The following SLC10A7 variants were observed in gnomAD, a reference collection of about 807,000 sequenced individuals.
SLC10A7 encodes the protein sodium/bile acid cotransporter 7.
In SLC10A7, 29 loss-of-function variants were observed where a neutral mutation model predicts 43.2. That is an observed-to-expected ratio of 0.67 (90% CI 0.50 to 0.92). The LOEUF (loss-of-function observed/expected upper bound fraction) is 0.92, where lower values mean the gene tolerates loss of function less well. Among genes scored for constraint, SLC10A7 ranks in the 40% least tolerant of loss-of-function variants. The pLI is 0.00. For synonymous variants in SLC10A7, 152 were observed against 144.8 expected (o/e 1.05, Z -0.35); for missense variants, 295 against 403.2 (o/e 0.73, Z 2.30).
At chr4:146,286,701 T>C (rs75299446) in intron 9 of SLC10A7, among the ~76,000 whole-genome samples, 1 of 85,124 alleles carries the variant, frequency 1.2e-5, no homozygotes, top group East Asian at 4.4e-4. Context: ...AGGAGGACTG[T>C]GTCTGGAGTG....
chr4:146,323,115 T>C (rs1732850036), intron 6 of SLC10A7, among the ~76,000 whole-genome samples: 1 of 152,162 alleles, frequency 6.6e-6, no homozygotes, highest in Non-Finnish European at 1.5e-5. Context: ...TTCTGGATAT[T>C]GCCCCTTGTC....
At chr4:146,356,574 GACACAC>G (rs34496192) in intron 5 of SLC10A7, among the ~76,000 whole-genome samples, 1 of 150,260 alleles carries the variant, frequency 6.7e-6, no homozygotes, top group Non-Finnish European at 1.5e-5. Flanking sequence ...ACAACAGACA[GACACAC>G]ACACACACAC....
At chr4:146,463,841 T>G (rs76658285) in intron 4 of SLC10A7, among the ~76,000 whole-genome samples, 4 of 150,598 alleles carry the variant, frequency 2.7e-5, no homozygotes, top group African/African-American at 9.8e-5. Context: ...TTTTTTTTTT[T>G]GAGACAAAGT....
intron 5 of SLC10A7, among the ~76,000 whole-genome samples, chr4:146,355,858 GA>G (rs1198879915): frequency 8.2e-6 from 1 of 122,196 alleles, no homozygotes; most frequent in Non-Finnish European, 1.6e-5. Flanking sequence ...ATGGACACAG[GA>G]AGGGGAATAT....
intron 5 of SLC10A7, among the ~76,000 whole-genome samples, chr4:146,328,327 C>A (rs1733300852): frequency 6.6e-6 from 1 of 152,206 alleles, no homozygotes; most frequent in South Asian, 2.1e-4. Flanking sequence ...TTCCTTATCA[C>A]CACTGGTGCT....
At chr4:146,372,290 C>T (rs1191868650) in intron 5 of SLC10A7, among the ~76,000 whole-genome samples, 1 of 151,682 alleles carries the variant, frequency 6.6e-6, no homozygotes, top group East Asian at 1.9e-4. Context: ...CCCATCTCTA[C>T]AAAAAATACA....
At chr4:146,344,537 A>G (rs918979443) in intron 5 of SLC10A7, among the ~76,000 whole-genome samples, 6 of 151,952 alleles carry the variant, frequency 3.9e-5, no homozygotes, top group Non-Finnish European at 8.8e-5. Context: ...AGTAGTTTTC[A>G]CGGTGTGGCC....
chr4:146,276,998 C>T (rs1440386993), intron 10 of SLC10A7, among the ~76,000 whole-genome samples: 2 of 151,954 alleles, frequency 1.3e-5, no homozygotes, highest in African/African-American at 2.4e-5. Context: ...CCAAAGCCTA[C>T]GTGGTGACTA....
At chr4:146,405,821 T>A (rs1042488922) in intron 5 of SLC10A7, among the ~76,000 whole-genome samples, 5 of 151,956 alleles carry the variant, frequency 3.3e-5, no homozygotes, top group Non-Finnish European at 7.4e-5. Flanking sequence ...AGGAAGAGTT[T>A]TTTTTTTTTG....
chr4:146,414,557 C>G (rs1340137685), intron 5 of SLC10A7, among the ~76,000 whole-genome samples: 1 of 152,044 alleles, frequency 6.6e-6, no homozygotes, highest in African/African-American at 2.4e-5. Flanking sequence ...AACCCTGTCT[C>G]TACCAAAAAT....
At chr4:146,519,386 G>T (rs1560992378) in intron 1 of SLC10A7, among the ~76,000 whole-genome samples, 1 of 148,124 alleles carries the variant, frequency 6.8e-6, no homozygotes, top group Admixed American at 6.8e-5. Context: ...TTAGGCATTT[G>T]TAGTACAACA....
chr4:146,278,527 C>T (rs545215858), intron 10 of SLC10A7, among the ~76,000 whole-genome samples: 2 of 152,154 alleles, frequency 1.3e-5, no homozygotes, highest in Non-Finnish European at 2.9e-5. Context: ...TTATGTTTCT[C>T]CTAAGACAGT....
intron 5 of SLC10A7, among the ~76,000 whole-genome samples, chr4:146,351,286 T>C (rs1014030631): frequency 6.7e-6 from 1 of 149,764 alleles, no homozygotes; most frequent in Admixed American, 6.6e-5. Context: ...GTATCAGCAA[T>C]GGAAGATGAA....
intron 5 of SLC10A7, among the ~76,000 whole-genome samples, chr4:146,396,306 T>C (rs1738819206): frequency 6.6e-6 from 1 of 152,160 alleles, no homozygotes; most frequent in South Asian, 2.1e-4. Flanking sequence ...CAGATACTCA[T>C]AGAAAAGTCT....
intron 5 of SLC10A7, among the ~76,000 whole-genome samples, chr4:146,432,918 G>GTCCC (rs1457430788): frequency 6.6e-6 from 1 of 151,416 alleles, no homozygotes; most frequent in Non-Finnish European, 1.5e-5. Context: ...CGCGCCTGTA[G>GTCCC]TCCCAGCTAC....
At chr4:146,496,757 C>T (rs1735936715) in intron 4 of SLC10A7, among the ~76,000 whole-genome samples, 4 of 152,150 alleles carry the variant, frequency 2.6e-5, no homozygotes, top group Admixed American at 6.5e-5. Context: ...CCCATGTCAC[C>T]AAAAACTTCG....
chr4:146,442,839 AGGGG>A lies in SLC10A7; in HGVS notation c.397-22_397-19del. 6.6e-7 allele frequency: 1 copy of A among 1,521,710 alleles called. No individual in the cohort carries two copies. Among genetic ancestry groups the A allele is most frequent in the Admixed American group, 2.0e-5 (1 of 48,890 alleles). The allele number at this position is 1,521,710 out of a possible 1,614,324, so 94.3% of individuals were successfully genotyped here. A position where few individuals can be genotyped will look rare whatever the true frequency, so the allele number is the denominator to read the frequency against. The stretch of plus-strand genomic sequence containing the variant: ...GCAGCTGCCTATGAAGAAAATAAAT[AGGGG>A]AAAAAAACTCATTGAAAGTAAATAA... On this transcript the variant is annotated intron_variant, in intron 4 of 11. Transcript: ENST00000335472.
intron 11 of SLC10A7, chr4:146,256,909 C>G (rs1457785369): frequency 6.5e-7 from 1 of 1,536,224 alleles, no homozygotes; most frequent in Non-Finnish European, 8.7e-7. Flanking sequence ...TTCAAGTTAG[C>G]CAGTGGCCCC....
chr4:146,319,723 C>T (rs1732568619), intron 6 of SLC10A7, among the ~76,000 whole-genome samples: 1 of 151,674 alleles, frequency 6.6e-6, no homozygotes, highest in Non-Finnish European at 1.5e-5. Context: ...AAGTGGAGTG[C>T]AGGTAGGATA....
Sources: gnomAD v4.1 joint callset for allele counts (sites outside exome capture counted in the v4.1 genomes callset) on GRCh38, gnomAD v4.1.1 for gene constraint, MANE v1.5 for transcripts, NCBI Gene and HGNC (gene_info 2026-07-23, HGNC 2026-07-21) for gene names.